Variants in POLA2 observed in about 807,000 individuals in gnomAD.
POLA2 encodes DNA polymerase alpha 2, accessory subunit, also known as DNA polymerase alpha subunit B.
POLA2 carries 47 observed loss-of-function variants against 82.8 expected under a neutral mutation model. The ratio of observed to expected loss-of-function variants is 0.57; its 90% CI spans 0.45 to 0.72. POLA2 has a LOEUF of 0.72. Ranked by LOEUF, POLA2 falls within the 30% of genes least tolerant of loss-of-function variation. The pLI is 0.00. For missense variants in POLA2, 634 were observed against 728.1 expected, an observed-to-expected ratio of 0.87 and a Z score of 1.49; for synonymous variants, 287 against 286.8, an observed-to-expected ratio of 1.00 and a Z score of -0.01.
chr11:65,295,468 TCTCCAGTC>T (rs1949799953), intron 15 of POLA2, 64 bp from the exon 16 acceptor site: 1 of 1,289,172 alleles, frequency 7.8e-7, no homozygotes, highest in Non-Finnish European at 1.1e-6. Context: ...TTTATTAAAT[TCTCCAGTC>T]CTCCCTGAAG....
Position 65,281,689 on chromosome 11 carries a change from T to A in POLA2, c.920T>A (p.Ile307Asn). The A allele has an allele frequency of 1.2e-6, 2 of 1,613,848 alleles. No individual in the cohort carries two copies. Among genetic ancestry groups the A allele is most frequent in the Non-Finnish European group, 1.7e-6 (2 of 1,179,736 alleles). The change falls in exon 9 of 18, where the codon ATC becomes AAC. Residue 307 changes from isoleucine to asparagine, a missense_variant. Coordinates refer to ENST00000265465, the MANE Select transcript of POLA2 (RefSeq NM_002689.4). ...TTTCAGGTTGTAATTATGGAAGGAA[T>A]CAACACCACTGGTAGGAAACTTGTT... ...FPGQVVIMEG[I>N]NTTGRKLVAT...
intron 5 of POLA2, among the ~76,000 whole-genome samples, chr11:65,277,223 G>C (rs569832525): frequency 6.7e-6 from 1 of 149,992 alleles, no homozygotes; most frequent in African/African-American, 2.5e-5. Context: ...TGTTGCCCAG[G>C]CTGGAGTGCA....
chr11:65,289,906 C>G, intron 13 of POLA2, 34 bp downstream of exon 13: 1 of 1,378,396 alleles, frequency 7.3e-7, no homozygotes, highest in Non-Finnish European at 1.0e-6. Flanking sequence ...GAACCTTAAG[C>G]TTCTTAGGTT....
chr11:65,263,334 C>T (rs1053255539), intron 1 of POLA2, among the ~76,000 whole-genome samples: 2 of 151,024 alleles, frequency 1.3e-5, no homozygotes, highest in African/African-American at 4.9e-5. Flanking sequence ...ATTCTCCTGC[C>T]TCAGCCTCCC....
intron 4 of POLA2, among the ~76,000 whole-genome samples, chr11:65,275,440 T>C (rs1949566906): frequency 6.6e-6 from 1 of 151,942 alleles, no homozygotes; most frequent in Admixed American, 6.6e-5. Flanking sequence ...AACCTTGTTA[T>C]CTGCCTGGAG....
chr11:65,295,178 G>T (rs774685614), intron 15 of POLA2, among the ~76,000 whole-genome samples: 1 of 152,226 alleles, frequency 6.6e-6, no homozygotes, highest in Admixed American at 6.5e-5. Context: ...GAAGCGAGAC[G>T]GGTGCGGCTC....
At chr11:65,299,718 G>A (rs945159593), downstream of POLA2, among the ~76,000 whole-genome samples, 6 of 152,168 alleles carry the variant, frequency 3.9e-5, no homozygotes, top group Non-Finnish European at 8.8e-5. Flanking sequence ...CCCCGACAGA[G>A]TCTCACTCTG....
At chr11:65,277,164 T>G (rs1949590293) in intron 5 of POLA2, among the ~76,000 whole-genome samples, 1 of 151,302 alleles carries the variant, frequency 6.6e-6, no homozygotes, top group South Asian at 2.1e-4. Flanking sequence ...ATTGGATTTT[T>G]TTTTTCTTTT....
At chr11:65,282,597 C>T in intron 10 of POLA2, 76 bp downstream of exon 10, 2 of 1,235,130 alleles carry the variant, frequency 1.6e-6, no homozygotes, top group Non-Finnish European at 2.4e-6. Flanking sequence ...GTTTCCCAAG[C>T]CCAAGAAAGC....
chr11:65,296,074 C>G, intron 17 of POLA2, 84 bp downstream of exon 17: 1 of 1,492,728 alleles, frequency 6.7e-7, no homozygotes, highest in Non-Finnish European at 9.3e-7. Context: ...ACTCACCCCT[C>G]ATGGGTCAGC....
intron 10 of POLA2, among the ~76,000 whole-genome samples, chr11:65,284,480 T>C (rs567704625): frequency 6.6e-6 from 1 of 151,474 alleles, no homozygotes; most frequent in South Asian, 2.1e-4. Flanking sequence ...AGACCCTGTC[T>C]CAAAAAAATA....
Position 65,294,640 on chromosome 11 carries a change from A to C in POLA2, c.1448A>C (p.Glu483Ala). The change falls in exon 15 of 18, where the codon GAG becomes GCG. Residue 483 changes from glutamate to alanine, a missense_variant. Glu to Ala is a moderately radical substitution (Grantham distance 107). Transcript: ENST00000265465. ...STDLLFHLGA[E>A]EISSSSGTSD... ...GATCTGCTTTTCCACCTGGGGGCCG[A>C]GGAGATCAGTAGGTAAGAAGTGTGT... is the stretch of plus-strand genomic sequence containing the variant. The C allele has an allele frequency of 6.2e-7, 1 of 1,612,646 alleles. No individual in the cohort carries two copies. Among genetic ancestry groups the C allele is most frequent in the Non-Finnish European group, 8.5e-7 (1 of 1,178,806 alleles).
At chr11:65,262,528 G>A (rs904779477) in intron 1 of POLA2, among the ~76,000 whole-genome samples, 157 bp downstream of exon 1, 1 of 152,188 alleles carries the variant, frequency 6.6e-6, no homozygotes, top group African/African-American at 2.4e-5. Flanking sequence ...TGAGTTTTGA[G>A]ATTTAGGATG....
intron 9 of POLA2, 142 bp from the exon 10 acceptor site, chr11:65,282,337 C>A: frequency 1.4e-6 from 1 of 696,296 alleles, no homozygotes. Flanking sequence ...AAGACAGAGG[C>A]ACATCCTTCC....
At chr11:65,300,548 G>T (rs1296007234), downstream of POLA2, among the ~76,000 whole-genome samples, 1 of 151,826 alleles carries the variant, frequency 6.6e-6, no homozygotes, top group Non-Finnish European at 1.5e-5. Flanking sequence ...CACCGTGCCT[G>T]GCCCATGCTC....
At chr11:65,305,209 C>A (rs1253245982) in intron 8 of POLA2, among the ~76,000 whole-genome samples, 5 of 152,098 alleles carry the variant, frequency 3.3e-5, no homozygotes, top group African/African-American at 1.2e-4. Context: ...CCCTCCAGGC[C>A]CCCCTCTCCA....
chr11:65,301,607 G>T (rs969080324), downstream of POLA2, among the ~76,000 whole-genome samples: 2 of 152,212 alleles, frequency 1.3e-5, no homozygotes. Context: ...GAGGGTGGCC[G>T]AGAGATGGAT....
At chr11:65,266,801 G>A (rs758625880) in intron 2 of POLA2, 95 bp downstream of exon 2, 6 of 1,332,888 alleles carry the variant, frequency 4.5e-6, no homozygotes, top group South Asian at 1.3e-5. Flanking sequence ...GTGGGCTTTC[G>A]AGTCAGGCCT....
At chr11:65,283,980 A>G (rs1949667971) in intron 10 of POLA2, among the ~76,000 whole-genome samples, 1 of 151,744 alleles carries the variant, frequency 6.6e-6, no homozygotes, top group Admixed American at 6.6e-5. Flanking sequence ...AAAAAAAAAA[A>G]AAAATTAGCT....
Sources: allele counts gnomAD v4.1 joint callset (sites outside exome capture counted in the v4.1 genomes callset), GRCh38; gene constraint gnomAD v4.1.1; transcripts MANE v1.5; gene names NCBI Gene and HGNC (gene_info 2026-07-23, HGNC 2026-07-21).